HTRA4: variants seen among roughly 807,000 people sequenced by gnomAD.
HTRA4 encodes the protein HtrA serine peptidase 4, also known as serine protease HTRA4.
In HTRA4, 46 loss-of-function variants were observed where a neutral mutation model predicts 49.1. The observed-to-expected ratio is 0.94, with a 90% CI of 0.74 to 1.20. The LOEUF is 1.20. Ranked by LOEUF, HTRA4 falls within the 50% of genes most tolerant of loss-of-function variation. The pLI is 0.00. For missense variants in HTRA4, 602 were observed against 636.9 expected (o/e 0.95, Z 0.59); for synonymous variants, 261 against 264.0 (o/e 0.99, Z 0.11).
intron 1 of HTRA4, 77 bp downstream of exon 1, chr8:38,974,806 C>A: frequency 1.5e-6 from 2 of 1,335,714 alleles, no homozygotes; most frequent in Non-Finnish European, 2.0e-6. Context: ...CTCACTGAGA[C>A]CGCACAGTTC....
At chr8:38,976,317 C>A (rs1254741756) in intron 2 of HTRA4, among the ~76,000 whole-genome samples, 2 of 106,280 alleles carry the variant, frequency 1.9e-5, no homozygotes, top group African/African-American at 7.5e-5. Context: ...GAGGCTGAGG[C>A]AGGAGCCTGG....
chr8:38,976,603 T>G lies in HTRA4; in HGVS notation c.635T>G (p.Leu212Arg). Residue 212 changes from leucine to arginine, a missense_variant, in exon 3 of 9, where the codon CTC (leucine) becomes CGC (arginine). Transcript: ENST00000302495. ...GGGTTCATAGTGTCTGAGGACGGGCTCATTATTACCAATGCCCATGTTGTC... is the reference window on the plus strand; with the variant it reads ...GGGTTCATAGTGTCTGAGGACGGGCGCATTATTACCAATGCCCATGTTGTC... The part of the protein sequence containing the change: ...GSGFIVSEDG[L>R]IITNAHVVRN... 1 of 1,614,184 alleles carries G rather than the reference T, an allele frequency of 6.2e-7. No individual in the cohort carries two copies.
chr8:38,975,801 T>C (rs757101542), intron 2 of HTRA4, among the ~76,000 whole-genome samples: 2 of 152,234 alleles, frequency 1.3e-5, no homozygotes, highest in Non-Finnish European at 2.9e-5. Flanking sequence ...CCTATGTTAC[T>C]ATGTTACGAG....
At chr8:38,977,113 T>C (rs1382901139) in intron 3 of HTRA4, among the ~76,000 whole-genome samples, 1 of 152,074 alleles carries the variant, frequency 6.6e-6, no homozygotes, top group Non-Finnish European at 1.5e-5. Context: ...TTTTTGTACT[T>C]TTAGTAGAGA....
At chr8:38,984,785 G>A (rs1282319943) in intron 8 of HTRA4, among the ~76,000 whole-genome samples, 1 of 152,040 alleles carries the variant, frequency 6.6e-6, no homozygotes, top group African/African-American at 2.4e-5. Flanking sequence ...TTAGCCAGGT[G>A]TGGTGGTTTG....
chr8:38,977,793 G>A (rs1283014690), intron 3 of HTRA4, among the ~76,000 whole-genome samples, 160 bp from the exon 4 acceptor site: 2 of 152,164 alleles, frequency 1.3e-5, no homozygotes, highest in Non-Finnish European at 2.9e-5. Context: ...GAAGTAGAAG[G>A]CAATCATAGA....
At position 38,981,658 on chromosome 8, in the gene HTRA4, T is replaced by C; in HGVS notation, c.1005T>C (p.Gly335=). 1 of 1,612,450 alleles carries C rather than the reference T, an allele frequency of 6.2e-7. No individual in the cohort carries two copies. The highest frequency in any genetic ancestry group is 1.1e-5 in the South Asian group (1 of 91,030). The part of the protein sequence containing the change: ...NSGGPLVNLD[G]DVIGVNSLRV... ...GATGTCCCCTCCCTTGCCAGGATGG[T>C]GATGTGATTGGCGTCAATTCATTGA... Residue 335 remains glycine (G), a synonymous_variant, in exon 6 of 9, where the codon GGT becomes GGC. Coordinates refer to ENST00000302495, the MANE Select transcript of HTRA4 (RefSeq NM_153692.4).
chr8:38,981,938 C>T (rs1453663450), intron 6 of HTRA4, among the ~76,000 whole-genome samples, 171 bp downstream of exon 6: 1 of 152,078 alleles, frequency 6.6e-6, no homozygotes, highest in Non-Finnish European at 1.5e-5. Context: ...ACCTCTGCCT[C>T]CTGGGTTCAA....
chr8:38,982,516 A>G lies in HTRA4; in HGVS notation c.1133A>G (p.Lys378Arg). 7 of 1,614,150 alleles carry G rather than the reference A, an allele frequency of 4.3e-6. No individual in the cohort carries two copies. The highest frequency in any genetic ancestry group is 5.9e-6 in the Non-Finnish European group (7 of 1,179,968). The change falls in exon 7 of 9, where the codon AAG (lysine) becomes AGG (arginine). Residue 378 changes from lysine to arginine, a missense_variant. Lys to Arg is a conservative substitution (Grantham distance 26). Transcript: ENST00000302495. ...HQMKGKAFSN[K>R]KYLGLQMLSL... is the part of the protein sequence containing the mutation. ...TTTCCAGGAAAGGCGTTTTCAAATA[A>G]GAAATATCTGGGTCTGCAAATGCTG...
intron 7 of HTRA4, 62 bp downstream of exon 7, chr8:38,982,617 T>A: frequency 1.3e-6 from 2 of 1,512,572 alleles, no homozygotes; most frequent in Non-Finnish European, 1.8e-6. Flanking sequence ...AGCTGCACAG[T>A]CTTAACAGAA....
chr8:38,974,801 T>C, intron 1 of HTRA4, 72 bp downstream of exon 1: 1 of 1,357,778 alleles, frequency 7.4e-7, no homozygotes, highest in Non-Finnish European at 9.7e-7. Flanking sequence ...AAGACCTCAC[T>C]GAGACCGCAC....
At chr8:38,976,384 C>A in intron 2 of HTRA4, 151 bp from the exon 3 acceptor site, 2 of 750,782 alleles carry the variant, frequency 2.7e-6, no homozygotes, top group Non-Finnish European at 2.1e-6. Flanking sequence ...GGCAACAGAG[C>A]GAGATTCTGT....
rs200438601 is a variant in HTRA4, at chr8:38,974,235, C to T, written c.-29C>T. On this transcript the variant is annotated 5_prime_UTR_variant, in exon 1 of 9. Transcript: ENST00000302495. ...GGTTTGCAGGTCCAGAGTAAAGTCA[C>T]TGAAGAGTGGAAGCGAGGAAGGAAC... The T allele has an allele frequency of 1.0e-4, 168 of 1,609,500 alleles. No homozygotes were observed. In the East Asian group the frequency reaches 3.0e-3, roughly 28 times the overall value.
intron 3 of HTRA4, among the ~76,000 whole-genome samples, chr8:38,977,084 T>C (rs1050653670): frequency 6.6e-6 from 1 of 152,022 alleles, no homozygotes; most frequent in African/African-American, 2.4e-5. Context: ...TACAGGTGCC[T>C]GCCACCACGC....
At chr8:38,982,451 A>G (rs1247798718) in intron 6 of HTRA4, 47 bp from the exon 7 acceptor site, 1 of 1,536,722 alleles carries the variant, frequency 6.5e-7, no homozygotes, top group Non-Finnish European at 9.0e-7. Flanking sequence ...AAGCTGCGCT[A>G]ACAGGAAAGA....
chr8:38,978,724 C>T (rs563684762), intron 4 of HTRA4, among the ~76,000 whole-genome samples: 56 of 151,664 alleles, frequency 3.7e-4, no homozygotes, highest in Non-Finnish European at 6.8e-4. Context: ...TGGCCAGGCA[C>T]GGTGGCTCAT....
chr8:38,977,961 T>A lies in HTRA4; in HGVS notation c.780T>A (p.Leu260=). 6.2e-7 allele frequency: 1 copy of A among 1,613,896 alleles called. No individual in the cohort carries two copies. The highest frequency in any genetic ancestry group is 8.5e-7 in the Non-Finnish European group (1 of 1,179,950). Residue 260 remains leucine, a synonymous_variant, in exon 4 of 9, where the codon CTT becomes CTA. Transcript: ENST00000302495. ...TTTTTGGGCACGTGCAGGCTGAACT[T>A]CCTGTACTGATGCTGGGAAGATCAT... ...AVIKIESNAE[L]PVLMLGRSSD... is the part of the protein sequence containing the mutation.
chr8:38,986,791 A>T (rs146791716), intron 8 of HTRA4, among the ~76,000 whole-genome samples: 1 of 152,364 alleles, frequency 6.6e-6, no homozygotes. Flanking sequence ...AGTGGCAAGA[A>T]GATGGGTTCC....
At chr8:38,974,982 C>G (rs2129426803) in intron 1 of HTRA4, 49 bp from the exon 2 acceptor site, 2 of 1,592,536 alleles carry the variant, frequency 1.3e-6, no homozygotes, top group East Asian at 4.5e-5. Context: ...ACTAGGATAG[C>G]AGGTCTGGTT....
Sources: allele counts gnomAD v4.1 joint callset (sites outside exome capture counted in the v4.1 genomes callset), GRCh38; gene constraint gnomAD v4.1.1; transcripts MANE v1.5; gene names NCBI Gene and HGNC (gene_info 2026-07-23, HGNC 2026-07-21).